Variants in DIDO1 observed in about 807,000 individuals in gnomAD.
The protein encoded by DIDO1 is death inducer-obliterator 1.
A neutral mutation model predicts 99.4 loss-of-function variants in DIDO1; 16 were observed. That is an observed-to-expected ratio of 0.16 (90% CI 0.11 to 0.24). DIDO1 has a LOEUF of 0.24. Ranked by LOEUF, DIDO1 falls within the 10% of genes least tolerant of loss-of-function variation. The pLI, the probability that DIDO1 is intolerant of heterozygous loss-of-function variation, is 1.00. For synonymous variants in DIDO1, 1,366 were observed against 1,239.1 expected (o/e 1.10, Z -2.15); for missense variants, 2,996 against 3,014.0 (o/e 0.99, Z 0.14).
chr20:62,891,957 G>T, intron 14 of DIDO1, 30 bp downstream of exon 14: 1 of 1,571,860 alleles, frequency 6.4e-7, no homozygotes, highest in Non-Finnish European at 8.7e-7. Context: ...AATTTTCCAT[G>T]GTTGCAGAAT....
chr20:62,909,783 C>T lies in DIDO1; in HGVS notation c.1077G>A (p.Lys359=), dbSNP rs2064887529. The stretch of plus-strand genomic sequence containing the variant: ...CCTTTATCCCTTGGTCTTCGCTAGA[C>T]TTCTGCTCTATTGTTCCTATACTTG... ...DCTSIGTIEQ[K]SSEDQGIKGR... Residue 359 remains lysine (K), a synonymous_variant, in exon 4 of 16, where the codon AAG becomes AAA. Transcript: ENST00000395343. 4 of 1,614,144 alleles carry T rather than the reference C, an allele frequency of 2.5e-6. No individual in the cohort carries two copies. The highest frequency in any genetic ancestry group is 1.7e-6 in the Non-Finnish European group (2 of 1,180,050).
intron 1 of DIDO1, among the ~76,000 whole-genome samples, chr20:62,924,455 G>T (rs2065215334): frequency 1.3e-5 from 2 of 152,170 alleles, no homozygotes; most frequent in South Asian, 4.1e-4. Flanking sequence ...AAACAATGAA[G>T]ACGTGGCACA....
intron 5 of DIDO1, among the ~76,000 whole-genome samples, chr20:62,906,595 A>T (rs1415345548): frequency 6.6e-6 from 1 of 152,262 alleles, no homozygotes; most frequent in African/African-American, 2.4e-5. Flanking sequence ...GAACAGTGCT[A>T]GTTGCGCTTT....
At chr20:62,924,742 G>A (rs1376692445) in intron 1 of DIDO1, among the ~76,000 whole-genome samples, 2 of 152,146 alleles carry the variant, frequency 1.3e-5, no homozygotes, top group Non-Finnish European at 2.9e-5. Context: ...TGGGCTGTCT[G>A]GTAACCATGG....
At chr20:62,907,032 G>T in intron 5 of DIDO1, 115 bp downstream of exon 5, 1 of 1,037,824 alleles carries the variant, frequency 9.6e-7, no homozygotes, top group Non-Finnish European at 1.5e-6. Flanking sequence ...GCGACACCAC[G>T]TGTGCGCCCC....
intron 15 of DIDO1, 92 bp from the exon 16 acceptor site, chr20:62,882,506 G>A (rs2064226304): frequency 4.0e-6 from 5 of 1,247,068 alleles, no homozygotes; most frequent in South Asian, 3.0e-5. Context: ...CACGGGGAAC[G>A]TTTAATAGAC....
chr20:62,879,424 TCCTGCTCCGCTC>T lies in DIDO1; in HGVS notation c.6520_6531del (p.Glu2174_Arg2177del). On this transcript the variant is annotated inframe_deletion, in exon 16 of 16. Transcript: ENST00000395343. This position sits in a 1 kb window ranked among gnomAD's most constrained non-coding sequence, Gnocchi z 6.3. The stretch of plus-strand genomic sequence containing the variant: ...CTCCGGTCTCGCTCGCGCTCTCGGT[TCCTGCTCCGCTC>T]CCGGCTGCGGTCCCACTCCTTGCCC... The T allele has an allele frequency of 1.9e-6, 3 of 1,546,130 alleles. No homozygotes were observed. Among genetic ancestry groups the T allele is most frequent in the Non-Finnish European group, 8.7e-7 (1 of 1,150,596 alleles).
At chr20:62,898,604 C>A (rs1451261263) in intron 6 of DIDO1, among the ~76,000 whole-genome samples, 1 of 152,184 alleles carries the variant, frequency 6.6e-6, no homozygotes, top group Non-Finnish European at 1.5e-5. Flanking sequence ...ACCCTTCTAA[C>A]CTCATGGCCG....
At position 62,893,824 on chromosome 20, in the gene DIDO1, G is replaced by A. The variant is rs141715110; in HGVS notation, c.2943C>T (p.Ser981=). ...APSSSCTAVA[S]AASRPDSTHM... ...GGGTGCTGTCTGGGCGGGATGCTGCGGAGGCCACGGCTGTGCATGAACTGC... is the reference window on the plus strand; with the variant it reads ...GGGTGCTGTCTGGGCGGGATGCTGCAGAGGCCACGGCTGTGCATGAACTGC... Residue 981 remains serine (S), a synonymous_variant, in exon 12 of 16, where the codon TCC becomes TCT. Coordinates refer to ENST00000395343, the MANE Select transcript of DIDO1 (RefSeq NM_001193369.2). 47 of 1,614,102 alleles carry A rather than the reference G, an allele frequency of 2.9e-5. No individual in the cohort carries two copies. Among genetic ancestry groups the A allele is most frequent in the East Asian group, 2.5e-4 (11 of 44,890 alleles).
chr20:62,896,520 G>T lies in DIDO1; in HGVS notation c.2054+11C>A. On this transcript the variant is annotated intron_variant, in intron 7 of 15. Transcript: ENST00000395343. This position sits in a 1 kb window ranked among gnomAD's most constrained non-coding sequence, Gnocchi z 4.4. Reference sequence around the variant, plus strand: ...ATTTTAATGGGTAAGAAATCAAGCAGAACAGCCCACCTTTTCCACAAAATC... The same window carrying T: ...ATTTTAATGGGTAAGAAATCAAGCATAACAGCCCACCTTTTCCACAAAATC... 6.3e-7 allele frequency: 1 copy of T among 1,584,378 alleles called. No homozygotes were observed. Among genetic ancestry groups the T allele is most frequent in the Middle Eastern group, 1.7e-4 (1 of 5,918 alleles).
rs187247990 is a variant in DIDO1 at position 62,896,621 on chromosome 20, C to A, written c.1964G>T (p.Arg655Leu). The A allele has an allele frequency of 1.2e-6, 2 of 1,613,598 alleles. No homozygotes were observed. Among genetic ancestry groups the A allele is most frequent in the African/African-American group, 1.3e-5 (1 of 74,950 alleles). ...TGGTGCAGCACTCATAGCCCCAAGG[C>A]GTCCTGGGGCTGGCGAGGCCATTGG... ...SVPMASPAPG[R>L]LGAMSAAPSQ... The change falls in exon 7 of 16, where the codon CGC becomes CTC. Residue 655 changes from arginine to leucine, a missense_variant. Physicochemically the swap from Arg to Leu is moderately radical, Grantham distance 102 (BLOSUM62 -2). Transcript: ENST00000395343. This position sits in a 1 kb window ranked among gnomAD's most constrained non-coding sequence, Gnocchi z 4.4.
intron 1 of DIDO1, among the ~76,000 whole-genome samples, chr20:62,925,815 C>T (rs192677963): frequency 2.6e-4 from 39 of 152,312 alleles, no homozygotes; most frequent in Non-Finnish European, 4.1e-4. Context: ...ACCAACGCAA[C>T]AAACTATTCC....
intron 15 of DIDO1, 130 bp from the exon 16 acceptor site, chr20:62,882,544 A>C: frequency 2.2e-6 from 2 of 926,270 alleles, no homozygotes; most frequent in East Asian, 2.6e-5. Context: ...TGGCAAAATA[A>C]GATCAAGTGT....
At position 62,894,282 on chromosome 20, in the gene DIDO1, A is replaced by G; in HGVS notation, c.2573-88T>C. The G allele has an allele frequency of 6.4e-7, 1 of 1,573,414 alleles. No homozygotes were observed. Among genetic ancestry groups the G allele is most frequent in the Non-Finnish European group, 8.6e-7 (1 of 1,158,874 alleles). ...AAGCCGAAAGCAATACTCTAAAGGC[A>G]GGGCAGGAAATCATTCTGGCCCTTC... On this transcript the variant is annotated intron_variant, in intron 11 of 15. Coordinates refer to ENST00000395343, the MANE Select transcript of DIDO1 (RefSeq NM_001193369.2). This position sits in a 1 kb window ranked among gnomAD's most constrained non-coding sequence, Gnocchi z 4.4.
At position 62,880,381 on chromosome 20, in the gene DIDO1, G is replaced by T; in HGVS notation, c.5575C>A (p.Pro1859Thr). 3.7e-6 allele frequency: 6 copies of T among 1,612,848 alleles called. No homozygotes were observed. The highest frequency in any genetic ancestry group is 5.1e-6 in the Non-Finnish European group (6 of 1,180,016). ...GGGGCGCCCGTCACCTCGTTATACG[G>T]GGCGTCCTGGAACTCCCTCTTCTCC... The part of the protein sequence containing the change: ...HGEKREFQDA[P>T]YNEVTGAPAQ... Residue 1859 changes from proline (P) to threonine (T), a missense_variant, in exon 16 of 16, where the codon CCG (proline) becomes ACG (threonine). This residue lies in a region of DIDO1 where 1,562 missense variants were observed against 1,412.6 expected (regional missense o/e 1.11). Coordinates refer to ENST00000395343, the MANE Select transcript of DIDO1 (RefSeq NM_001193369.2).
At chr20:62,888,371 C>T (rs1001418871) in intron 15 of DIDO1, 46 of 985,430 alleles carry the variant, frequency 4.7e-5, no homozygotes, top group African/African-American at 3.7e-4. Flanking sequence ...CTGATGCAGA[C>T]GGGCAGCTCA....
At position 62,879,228 on chromosome 20, in the gene DIDO1, G is replaced by C. The variant is rs1350080274; in HGVS notation, c.*5C>G. On this transcript the variant is annotated 3_prime_UTR_variant, in exon 16 of 16. Coordinates refer to ENST00000395343, the MANE Select transcript of DIDO1 (RefSeq NM_001193369.2). The surrounding 1 kb of genome is among the most constrained non-coding windows in gnomAD (Gnocchi z 6.3). Reference sequence around the variant, plus strand: ...TTAAAAAGGGTCTCTGCCCGGCCGGGGCGTCTAGGCCTGCGAGGCGGTGCC... The same window carrying C: ...TTAAAAAGGGTCTCTGCCCGGCCGGCGCGTCTAGGCCTGCGAGGCGGTGCC... The C allele has an allele frequency of 6.7e-7, 1 of 1,491,206 alleles. No homozygotes were observed. Among genetic ancestry groups the C allele is most frequent in the Non-Finnish European group, 8.9e-7 (1 of 1,126,186 alleles). The allele number at this position is 1,491,206 out of a possible 1,614,324, so 92.4% of individuals were successfully genotyped here.
chr20:62,907,179 C>G lies in DIDO1; in HGVS notation c.1342G>C (p.Glu448Gln). The change falls in exon 5 of 16, where the codon GAG (glutamate) becomes CAG (glutamine). Residue 448 changes from glutamate (E) to glutamine (Q), a missense_variant. Glu to Gln is a conservative substitution (Grantham distance 29). This residue lies in a region of DIDO1 where 898 missense variants were observed against 972.7 expected (regional missense o/e 0.92). Coordinates refer to ENST00000395343, the MANE Select transcript of DIDO1 (RefSeq NM_001193369.2). The part of the protein sequence containing the change: ...KPKEKMKMKP[E>Q]KPSLPKCGAQ... ...CCGCATTTCGGAAGACTGGGCTTCT[C>G]TGGCTTCATCTTCATCTTTTCTTTA... 1 of 1,614,256 alleles carries G rather than the reference C, an allele frequency of 6.2e-7. No individual in the cohort carries two copies. Among genetic ancestry groups the G allele is most frequent in the African/African-American group, 1.3e-5 (1 of 75,066 alleles).
chr20:62,930,190 G>A (rs561287284), upstream of DIDO1, among the ~76,000 whole-genome samples: 103 of 151,104 alleles, frequency 6.8e-4, 1 homozygote, highest in African/African-American at 2.3e-3. Context: ...GGGTGACAGC[G>A]AGACTCCGTC....
Sources: gnomAD v4.1 joint callset for allele counts (sites outside exome capture counted in the v4.1 genomes callset) on GRCh38, gnomAD v4.1.1 for gene constraint, gnomAD v4.1.1 regional missense constraint, Gnocchi (gnomAD v3.1) non-coding constraint, MANE v1.5 for transcripts, NCBI Gene and HGNC (gene_info 2026-07-23, HGNC 2026-07-21) for gene names.